SEZ6L: variants seen among roughly 807,000 people sequenced by gnomAD.
SEZ6L encodes the protein seizure 6-like protein.
SEZ6L carries 37 observed loss-of-function variants against 106.2 expected under a neutral mutation model. The observed-to-expected ratio is 0.35, with a 90% CI of 0.27 to 0.46. SEZ6L has a LOEUF of 0.46. Ranked by LOEUF, SEZ6L falls within the 20% of genes least tolerant of loss-of-function variation. The pLI, the probability that SEZ6L is intolerant of heterozygous loss-of-function variation, is 1.00. For synonymous variants in SEZ6L, 541 were observed against 570.4 expected (o/e 0.95, Z 0.73); for missense variants, 1,172 against 1,332.8 (o/e 0.88, Z 1.88).
intron 1 of SEZ6L, among the ~76,000 whole-genome samples, chr22:26,201,396 A>AG (rs2043137949): frequency 6.7e-6 from 1 of 148,624 alleles, no homozygotes; most frequent in East Asian, 1.9e-4. Context: ...AAAAAAAAAA[A>AG]AAAAAAAAGA....
Position 26,380,396 on chromosome 22 carries a change from C to A in SEZ6L, c.*101C>A. 2.2e-6 allele frequency: 2 copies of A among 905,288 alleles called. No homozygotes were observed. Among genetic ancestry groups the A allele is most frequent in the South Asian group, 1.5e-5 (1 of 68,132 alleles). 56.1% of individuals were successfully genotyped at this position (905,288 alleles called of 1,614,324 possible). On this transcript the variant is annotated 3_prime_UTR_variant, in exon 17 of 17. Transcript: ENST00000248933. ...GCACTTGATTGAAACCCCAGAATGT[C>A]GACTGTCTTTTGTTTAGACTCTTTA...
chr22:26,254,261 T>C (rs2079726157), intron 1 of SEZ6L, among the ~76,000 whole-genome samples: 1 of 152,158 alleles, frequency 6.6e-6, no homozygotes, highest in African/African-American at 2.4e-5. Flanking sequence ...AGGGAATTTC[T>C]GCTTGAAGAT....
chr22:26,270,311 C>A (rs1004842466), intron 1 of SEZ6L, among the ~76,000 whole-genome samples: 4 of 152,178 alleles, frequency 2.6e-5, no homozygotes, highest in Admixed American at 1.3e-4. Context: ...GACAAGTCAC[C>A]TTTCCTCCCT....
intron 6 of SEZ6L, among the ~76,000 whole-genome samples, chr22:26,307,723 C>T (rs1051366410): frequency 2.6e-5 from 4 of 152,116 alleles, no homozygotes; most frequent in South Asian, 2.1e-4. Context: ...GCATGGGAAC[C>T]CTTGGTGAAG....
At chr22:26,349,291 C>CTGGA (rs2083194012) in intron 11 of SEZ6L, among the ~76,000 whole-genome samples, 2 of 152,126 alleles carry the variant, frequency 1.3e-5, no homozygotes, top group South Asian at 4.1e-4. Flanking sequence ...TTTCATTAAC[C>CTGGA]TTTCATTGGT....
intron 10 of SEZ6L, among the ~76,000 whole-genome samples, chr22:26,341,128 T>C (rs1219208637): frequency 1.3e-5 from 2 of 152,204 alleles, no homozygotes; most frequent in Non-Finnish European, 2.9e-5. Flanking sequence ...AGGCCTCTTC[T>C]TTTCCTGTAG....
chr22:26,187,325 C>T (rs1363379597), intron 1 of SEZ6L, among the ~76,000 whole-genome samples: 3 of 152,198 alleles, frequency 2.0e-5, no homozygotes, highest in African/African-American at 7.2e-5. Context: ...GGGGAACCAC[C>T]CCCATGATCT....
chr22:26,341,182 T>C (rs6005018), intron 10 of SEZ6L, among the ~76,000 whole-genome samples: 58,173 of 151,936 alleles, frequency 0.38, 11,227 homozygotes, highest in South Asian at 0.5. Flanking sequence ...TTCTTGTACT[T>C]TAGGAGCTAT....
chr22:26,354,083 T>C (rs745499530), intron 12 of SEZ6L, among the ~76,000 whole-genome samples: 1 of 152,132 alleles, frequency 6.6e-6, no homozygotes, highest in Non-Finnish European at 1.5e-5. Flanking sequence ...GTGACCTTGA[T>C]TGGACGTAGC....
intron 1 of SEZ6L, among the ~76,000 whole-genome samples, chr22:26,243,010 G>T (rs1569412964): frequency 6.6e-6 from 1 of 152,186 alleles, no homozygotes; most frequent in Non-Finnish European, 1.5e-5. Context: ...CCGTATCTTT[G>T]TTTCTGGTGT....
At chr22:26,187,062 C>T (rs1939831432) in intron 1 of SEZ6L, among the ~76,000 whole-genome samples, 2 of 152,136 alleles carry the variant, frequency 1.3e-5, no homozygotes, top group Admixed American at 1.3e-4. Flanking sequence ...AGGTTAGGGA[C>T]AATTTGTGTA....
chr22:26,180,263 C>G (rs558652527), intron 1 of SEZ6L, among the ~76,000 whole-genome samples: 7 of 152,284 alleles, frequency 4.6e-5, no homozygotes, highest in South Asian at 2.1e-4. Flanking sequence ...GCTCTGCAAC[C>G]CTTTTGCCAG....
chr22:26,346,175 G>A (rs960495324), intron 10 of SEZ6L, among the ~76,000 whole-genome samples: 1 of 151,828 alleles, frequency 6.6e-6, no homozygotes, highest in African/African-American at 2.4e-5. Context: ...CTACAAACAC[G>A]TGCCATCATA....
chr22:26,209,473 G>A (rs887655380), intron 1 of SEZ6L, among the ~76,000 whole-genome samples: 1 of 99,338 alleles, frequency 1.0e-5, no homozygotes, highest in East Asian at 4.1e-4. Context: ...ATATATGGAT[G>A]GATGGATGGA....
At chr22:26,326,503 G>T (rs147929371) in intron 9 of SEZ6L, among the ~76,000 whole-genome samples, 43 of 152,230 alleles carry the variant, frequency 2.8e-4, no homozygotes, top group African/African-American at 1.0e-3. Flanking sequence ...TTCTGAGCAC[G>T]TTACCTCTTA....
intron 11 of SEZ6L, among the ~76,000 whole-genome samples, chr22:26,348,584 AAG>A (rs558446513): frequency 1.6e-3 from 124 of 79,040 alleles, no homozygotes; most frequent in African/African-American, 4.5e-3. Flanking sequence ...GAAAGAAAGA[AAG>A]AGAAAGAAAG....
At chr22:26,358,884 G>A (rs896985519) in intron 12 of SEZ6L, among the ~76,000 whole-genome samples, 13 of 152,144 alleles carry the variant, frequency 8.5e-5, no homozygotes, top group Admixed American at 7.2e-4. Context: ...ATCCTCCAGT[G>A]CCCAGGACAG....
chr22:26,356,641 CAAATAA>C (rs2083443168), intron 12 of SEZ6L, among the ~76,000 whole-genome samples: 1 of 112,156 alleles, frequency 8.9e-6, no homozygotes, highest in African/African-American at 3.6e-5. Flanking sequence ...GATTCTGTCT[CAAATAA>C]TAATAATAAT....
intron 9 of SEZ6L, among the ~76,000 whole-genome samples, chr22:26,334,688 T>C (rs914496991): frequency 1.3e-5 from 2 of 152,102 alleles, no homozygotes; most frequent in Non-Finnish European, 2.9e-5. Context: ...CCTGCGACAG[T>C]GACCAAGAAG....
Sources: gnomAD v4.1 joint callset for allele counts (sites outside exome capture counted in the v4.1 genomes callset) on GRCh38, gnomAD v4.1.1 for gene constraint, MANE v1.5 for transcripts, NCBI Gene and HGNC (gene_info 2026-07-23, HGNC 2026-07-21) for gene names.